The following CSMD2 variants were observed in gnomAD, a reference collection of about 807,000 sequenced individuals.
CSMD2 encodes the protein CUB and sushi domain-containing protein 2.
Under a neutral mutation model 398.5 loss-of-function variants are expected in CSMD2, and 130 were observed. That is an observed-to-expected ratio of 0.33 (90% confidence interval 0.28 to 0.38). CSMD2 has a LOEUF of 0.38. CSMD2 is among the 10% of genes least tolerant of loss of function. CSMD2 has a pLI of 1.00. For missense variants in CSMD2, 3,829 were observed against 4,764.9 expected, an observed-to-expected ratio of 0.80 and a Z score of 5.78; for synonymous variants, 1,828 against 1,908.5, an observed-to-expected ratio of 0.96 and a Z score of 1.10.
rs1639581038 is a variant in CSMD2, at chr1:33,862,340, A to ACC, written c.921-15345_921-15344insGG. 4 of 57,938 alleles carry ACC rather than the reference A, an allele frequency of 6.9e-5. No homozygotes were observed. The Admixed American group carries it at 8.1e-4, about 12-fold the overall frequency. 3.6% of individuals were successfully genotyped at this position (57,938 alleles called of 1,614,324 possible). On this transcript the variant is annotated intron_variant, in intron 5 of 70. Transcript: ENST00000373381. ...GAAGGTTAAGAGGCACAGATAAGCT[A>ACC]CTCTGTGTGTGTGTGTGTGTGTGTG...
intron 6 of CSMD2, among the ~76,000 whole-genome samples, chr1:33,842,870 C>T (rs943359035): frequency 2.6e-5 from 4 of 152,266 alleles, no homozygotes; most frequent in African/African-American, 4.8e-5. Context: ...CTGCTTTAGA[C>T]GCATGGAAGT....
rs530222687 is a variant in CSMD2 at position 33,577,027 on chromosome 1, C to G, written c.7576+269G>C. ...CCAGGAGGAAGCAGATCCTTTCTCA[C>G]CTCTGGGCTCCCACAACACTGATTA... is the stretch of plus-strand genomic sequence containing the variant. On this transcript the variant is annotated intron_variant, in intron 49 of 70. Coordinates refer to ENST00000373381, the MANE Select transcript of CSMD2 (RefSeq NM_001281956.2). 3.4e-4 allele frequency among the ~76,000 whole-genome samples: 52 copies of G among 152,316 alleles called. 1 individual carries two copies. The highest frequency in any genetic ancestry group is 1.3e-3 in the African/African-American group (52 of 41,576).
chr1:33,758,078 A>G (rs563240822), intron 13 of CSMD2, among the ~76,000 whole-genome samples: 1 of 152,210 alleles, frequency 6.6e-6, no homozygotes, highest in African/African-American at 2.4e-5. Context: ...GGGGCACAAA[A>G]GACTCTCAGT....
intron 4 of CSMD2, among the ~76,000 whole-genome samples, chr1:33,934,542 G>T (rs879634281): frequency 2.0e-5 from 3 of 152,152 alleles, no homozygotes; most frequent in Admixed American, 6.5e-5. Context: ...GTTAAAAATT[G>T]TCTGCATGCA....
At chr1:33,908,260 T>TGAAAA (rs1643237477) in intron 5 of CSMD2, among the ~76,000 whole-genome samples, 1 of 152,066 alleles carries the variant, frequency 6.6e-6, no homozygotes, top group Non-Finnish European at 1.5e-5. Context: ...GAACAAACAT[T>TGAAAA]CATGGCCAAA....
intron 10 of CSMD2, among the ~76,000 whole-genome samples, chr1:33,802,260 C>T (rs369384781): frequency 6.6e-6 from 1 of 152,132 alleles, no homozygotes; most frequent in African/African-American, 2.4e-5. Context: ...TTCCTCTGTT[C>T]CTTGAATCTA....
intron 12 of CSMD2, among the ~76,000 whole-genome samples, chr1:33,780,049 T>A (rs920250540): frequency 3.3e-5 from 5 of 152,036 alleles, no homozygotes; most frequent in Admixed American, 3.3e-4. Flanking sequence ...GGAGAGATGG[T>A]TGGAGGGAGA....
chr1:34,142,980 T>G (rs149761234), intron 1 of CSMD2, among the ~76,000 whole-genome samples: 318 of 152,240 alleles, frequency 2.1e-3, no homozygotes, highest in African/African-American at 7.3e-3. Context: ...AAAACATGAT[T>G]AAGAAACCGC....
chr1:34,031,687 G>A lies in CSMD2; in HGVS notation c.517+907C>T, dbSNP rs952036318. On this transcript the variant is annotated intron_variant, in intron 3 of 70. Coordinates refer to ENST00000373381, the MANE Select transcript of CSMD2 (RefSeq NM_001281956.2). ...TACACCCCTGGCCAAGACAGGGAGT[G>A]TCTGTTTCTGTATTGCTATAGCTTC... Among the ~76,000 whole-genome samples the A allele has an allele frequency of 2.9e-5, 4 of 137,746 alleles. 1 individual carries two copies. Among genetic ancestry groups the A allele is most frequent in the African/African-American group, 1.1e-4 (4 of 36,658 alleles). 90.4% of individuals were successfully genotyped at this position (137,746 alleles called of 152,430 possible). A position where few individuals can be genotyped will look rare whatever the true frequency, so the allele number is the denominator to read the frequency against.
At chr1:33,542,287 C>T (rs111477265) in intron 58 of CSMD2, among the ~76,000 whole-genome samples, 2 of 152,208 alleles carry the variant, frequency 1.3e-5, no homozygotes, top group African/African-American at 4.8e-5. Context: ...AAGGACAGAA[C>T]GAAGCAACAA....
At chr1:33,541,368 A>G (rs1447469665) in intron 58 of CSMD2, 59 bp from the exon 59 acceptor site, 7 of 1,305,786 alleles carry the variant, frequency 5.4e-6, no homozygotes, top group East Asian at 2.3e-5. Context: ...TTCTCCTCCA[A>G]TACCATCCCT....
intron 25 of CSMD2, among the ~76,000 whole-genome samples, chr1:33,679,148 A>G (rs1473687876): frequency 6.6e-6 from 1 of 151,752 alleles, no homozygotes; most frequent in Non-Finnish European, 1.5e-5. Context: ...ATGTTTCCAT[A>G]AAGTCAAAAC....
Position 33,533,269 on chromosome 1 carries a change from A to T in CSMD2, c.9992-40T>A, listed in dbSNP as rs376238110. ...AGACCCTGTTGGACTGGAGGAGATT[A>T]GGGGCTTCAGGGGCCCTTTCGACCA... On this transcript the variant is annotated intron_variant, in intron 63 of 70. Transcript: ENST00000373381. This position sits in a 1 kb window ranked among gnomAD's most constrained non-coding sequence, Gnocchi z 4.2. The T allele has an allele frequency of 1.7e-5, 27 of 1,564,804 alleles. No individual in the cohort carries two copies. The African/African-American group carries it at 3.5e-4, about 20-fold the overall frequency.
At chr1:33,912,043 C>A (rs2125266478) in intron 5 of CSMD2, among the ~76,000 whole-genome samples, 1 of 152,280 alleles carries the variant, frequency 6.6e-6, no homozygotes, top group South Asian at 2.1e-4. Flanking sequence ...CAGCCTCTGC[C>A]TTGAGGCCTT....
chr1:34,159,657 G>T (rs938505275), intron 1 of CSMD2, among the ~76,000 whole-genome samples: 2 of 152,226 alleles, frequency 1.3e-5, no homozygotes, highest in African/African-American at 4.8e-5. Flanking sequence ...TATGAAATGG[G>T]AATAATAATA....
chr1:34,001,472 C>T (rs1037295807), intron 3 of CSMD2, among the ~76,000 whole-genome samples: 1 of 152,162 alleles, frequency 6.6e-6, no homozygotes, highest in African/African-American at 2.4e-5. Flanking sequence ...GGTTGGCCTC[C>T]AATCAAGCCA....
At chr1:34,142,298 C>T (rs774388213) in intron 1 of CSMD2, among the ~76,000 whole-genome samples, 7 of 152,070 alleles carry the variant, frequency 4.6e-5, no homozygotes, top group East Asian at 1.9e-4. Flanking sequence ...CAGAGATGAA[C>T]GGTCTGCAGG....
At chr1:33,711,047 A>G (rs1645970152) in intron 21 of CSMD2, among the ~76,000 whole-genome samples, 1 of 152,204 alleles carries the variant, frequency 6.6e-6, no homozygotes, top group African/African-American at 2.4e-5. Context: ...ATCATGATGA[A>G]TGTGCTGAGA....
At chr1:34,079,140 CCT>C (rs1352801144) in intron 2 of CSMD2, among the ~76,000 whole-genome samples, 2 of 152,266 alleles carry the variant, frequency 1.3e-5, no homozygotes, top group African/African-American at 4.8e-5. Context: ...CCACAAAAAA[CCT>C]ACAGATAACA....
Sources: allele counts gnomAD v4.1 joint callset (sites outside exome capture counted in the v4.1 genomes callset), GRCh38; gene constraint gnomAD v4.1.1; non-coding constraint Gnocchi (gnomAD v3.1); transcripts MANE v1.5; gene names NCBI Gene and HGNC (gene_info 2026-07-23, HGNC 2026-07-21).